DDAH1: variants seen among roughly 807,000 people sequenced by gnomAD.
DDAH1 encodes N(G),N(G)-dimethylarginine dimethylaminohydrolase 1.
DDAH1 carries 19 observed loss-of-function variants against 28.8 expected under a neutral mutation model. The ratio of observed to expected loss-of-function variants is 0.66; its 90% CI spans 0.46 to 0.97. DDAH1 has a LOEUF of 0.97. Among genes scored for constraint, DDAH1 ranks in the 50% least tolerant of loss-of-function variants. The probability of loss-of-function intolerance (pLI) is 0.00; values close to 1 mark genes in which losing one functional copy is unlikely to be tolerated. For synonymous variants in DDAH1, 153 were observed against 154.4 expected (o/e 0.99, Z 0.07); for missense variants, 326 against 375.9 (o/e 0.87, Z 1.10).
intron 1 of DDAH1, among the ~76,000 whole-genome samples, chr1:85,442,093 T>C (rs1190360293): frequency 6.6e-6 from 1 of 152,110 alleles, no homozygotes; most frequent in East Asian, 1.9e-4. Flanking sequence ...GTTTGTTACA[T>C]ATGTATACAT....
chr1:85,462,040 G>C (rs1240371942), intron 1 of DDAH1, among the ~76,000 whole-genome samples: 1 of 152,208 alleles, frequency 6.6e-6, no homozygotes, highest in Non-Finnish European at 1.5e-5. Flanking sequence ...AGTTCAAAGA[G>C]TTGATGTGAG....
At chr1:85,371,787 G>A (rs1421682233) in intron 1 of DDAH1, among the ~76,000 whole-genome samples, 1 of 152,166 alleles carries the variant, frequency 6.6e-6, no homozygotes, top group Non-Finnish European at 1.5e-5. Context: ...TATCTGAACT[G>A]AGAAACACTT....
chr1:85,528,658 T>G (rs1657953970), intron 1 of DDAH1, among the ~76,000 whole-genome samples: 1 of 152,260 alleles, frequency 6.6e-6, no homozygotes, highest in East Asian at 1.9e-4. Context: ...ACTTCCTTCC[T>G]TTAAGCTTCC....
At chr1:85,532,728 C>T (rs1223097807) in intron 1 of DDAH1, among the ~76,000 whole-genome samples, 4 of 152,060 alleles carry the variant, frequency 2.6e-5, no homozygotes, top group Non-Finnish European at 4.4e-5. Flanking sequence ...ACTTTAGATG[C>T]TAACTCTGGG....
chr1:85,470,255 T>A (rs1655573424), intron 2 of DDAH1, among the ~76,000 whole-genome samples: 1 of 152,204 alleles, frequency 6.6e-6, no homozygotes, highest in South Asian at 2.1e-4. Context: ...CTTACAATCA[T>A]GGTGGAAGGC....
intron 1 of DDAH1, among the ~76,000 whole-genome samples, chr1:85,444,554 C>T (rs541904353): frequency 1.1e-4 from 16 of 152,292 alleles, no homozygotes; most frequent in Admixed American, 3.3e-4. Context: ...GGCATCCTGA[C>T]CTCAAGTCCT....
chr1:85,416,872 T>TGCCC (rs1417386754), intron 1 of DDAH1, among the ~76,000 whole-genome samples: 2 of 152,120 alleles, frequency 1.3e-5, no homozygotes, highest in Non-Finnish European at 2.9e-5. Context: ...TTCGCCATGT[T>TGCCC]GCCCAGGCTG....
chr1:85,350,017 G>T (rs1400694670), intron 4 of DDAH1, among the ~76,000 whole-genome samples: 1 of 152,144 alleles, frequency 6.6e-6, no homozygotes, highest in Non-Finnish European at 1.5e-5. Flanking sequence ...TAGTCCAGAC[G>T]CAACAAAAGG....
intron 1 of DDAH1, among the ~76,000 whole-genome samples, chr1:85,364,058 A>T (rs1649933997): frequency 6.6e-6 from 1 of 151,992 alleles, no homozygotes; most frequent in Non-Finnish European, 1.5e-5. Flanking sequence ...GCTCACAATA[A>T]CTCCAAAAAG....
At chr1:85,436,861 C>T (rs570627261) in intron 1 of DDAH1, among the ~76,000 whole-genome samples, 62 of 152,300 alleles carry the variant, frequency 4.1e-4, no homozygotes, top group Non-Finnish European at 6.6e-4. Context: ...AACCCTATCA[C>T]TTTAAGTTGA....
chr1:85,407,399 T>C (rs1014026278), intron 1 of DDAH1, among the ~76,000 whole-genome samples: 5 of 152,196 alleles, frequency 3.3e-5, no homozygotes, highest in Non-Finnish European at 7.4e-5. Flanking sequence ...TAAACTCACA[T>C]TGCTAGACAC....
chr1:85,567,428 T>C (rs1659336658), intron 1 of DDAH1, among the ~76,000 whole-genome samples: 1 of 152,198 alleles, frequency 6.6e-6, no homozygotes, highest in South Asian at 2.1e-4. Flanking sequence ...GTTTTAAAAA[T>C]GGGGAGTTTC....
intron 1 of DDAH1, among the ~76,000 whole-genome samples, chr1:85,439,349 TA>T (rs1219182326): frequency 1.3e-5 from 2 of 152,182 alleles, no homozygotes; most frequent in African/African-American, 2.4e-5. Flanking sequence ...GCCAACAACT[TA>T]AACATCCTAA....
At chr1:85,533,400 T>C (rs565351513) in intron 1 of DDAH1, among the ~76,000 whole-genome samples, 1 of 152,126 alleles carries the variant, frequency 6.6e-6, no homozygotes, top group South Asian at 2.1e-4. Flanking sequence ...CAAACTATCC[T>C]CCCACCCTGG....
At chr1:85,561,708 T>C (rs1383487580) in intron 1 of DDAH1, among the ~76,000 whole-genome samples, 2 of 152,296 alleles carry the variant, frequency 1.3e-5, no homozygotes, top group East Asian at 3.9e-4. Context: ...TAAAATGGTA[T>C]AACATGTTAG....
intron 1 of DDAH1, among the ~76,000 whole-genome samples, chr1:85,544,289 A>T (rs2100788135): frequency 6.6e-6 from 1 of 152,314 alleles, no homozygotes; most frequent in African/African-American, 2.4e-5. Flanking sequence ...GCTGCAAAAA[A>T]CTAGGCACAT....
At chr1:85,424,666 C>T (rs1653310419) in intron 1 of DDAH1, among the ~76,000 whole-genome samples, 1 of 151,938 alleles carries the variant, frequency 6.6e-6, no homozygotes. Context: ...AGAAAAACAC[C>T]AGTCAATTTT....
chr1:85,477,666 T>C (rs1407907678), intron 2 of DDAH1, among the ~76,000 whole-genome samples: 2 of 151,936 alleles, frequency 1.3e-5, no homozygotes, highest in Non-Finnish European at 2.9e-5. Context: ...ATACTATCTC[T>C]ACTATATATA....
At chr1:85,376,374 T>C (rs1476820405) in intron 1 of DDAH1, among the ~76,000 whole-genome samples, 2 of 152,158 alleles carry the variant, frequency 1.3e-5, no homozygotes, top group Non-Finnish European at 2.9e-5. Flanking sequence ...ACTGAAAATA[T>C]GTAATGGAAA....
Sources: allele counts gnomAD v4.1 joint callset (sites outside exome capture counted in the v4.1 genomes callset), GRCh38; gene constraint gnomAD v4.1.1; transcripts MANE v1.5; gene names NCBI Gene and HGNC (gene_info 2026-07-23, HGNC 2026-07-21).